QSER1: variants seen among roughly 807,000 people sequenced by gnomAD.
The protein encoded by QSER1 is glutamine and serine rich 1, also known as glutamine and serine-rich protein 1.
Under a neutral mutation model 158.5 loss-of-function variants are expected in QSER1, and 49 were observed. That is an observed-to-expected ratio of 0.31 (90% CI 0.25 to 0.39). The LOEUF is 0.39. QSER1 is among the 10% of genes least tolerant of loss of function. The pLI, the probability that QSER1 is intolerant of heterozygous loss-of-function variation, is 1.00. For synonymous variants in QSER1, 650 were observed against 715.5 expected (o/e 0.91, Z 1.46); for missense variants, 1,754 against 2,010.3 (o/e 0.87, Z 2.44).
chr11:32,954,136 G>T lies in QSER1; in HGVS notation c.4457G>T (p.Arg1486Leu). Reference protein sequence around the residue: ...ESGGEGQYRERDEFVVKIEDI... With the variant: ...ESGGEGQYRELDEFVVKIEDI... The stretch of plus-strand genomic sequence containing the variant: ...GGAGGAGAAGGCCAATACAGAGAGC[G>T]TGATGAATTTGTGGTAAAGATAGAA... Residue 1486 changes from arginine to leucine, a missense_variant, in exon 5 of 13, where the codon CGT becomes CTT. Physicochemically the swap from Arg to Leu is moderately radical, Grantham distance 102. Coordinates refer to ENST00000650167, the MANE Select transcript of QSER1 (RefSeq NM_001076786.3). 2 of 1,613,862 alleles carry T rather than the reference G, an allele frequency of 1.2e-6. No individual in the cohort carries two copies. Among genetic ancestry groups the T allele is most frequent in the Non-Finnish European group, 1.7e-6 (2 of 1,179,968 alleles).
At chr11:32,894,334 G>A (rs1330948555) in intron 1 of QSER1, among the ~76,000 whole-genome samples, 1 of 152,122 alleles carries the variant, frequency 6.6e-6, no homozygotes, top group Non-Finnish European at 1.5e-5. Flanking sequence ...TTGGTGAGCG[G>A]GGTGTTTTAA....
At chr11:32,920,897 T>G (rs1380108046) in intron 1 of QSER1, among the ~76,000 whole-genome samples, 1 of 152,204 alleles carries the variant, frequency 6.6e-6, no homozygotes, top group Non-Finnish European at 1.5e-5. Context: ...ACTTTGCTGG[T>G]GGGAATGTAA....
At chr11:32,923,689 G>C (rs1851928259) in intron 1 of QSER1, among the ~76,000 whole-genome samples, 1 of 138,984 alleles carries the variant, frequency 7.2e-6, no homozygotes, top group Non-Finnish European at 1.6e-5. Flanking sequence ...AAAAAAAAAG[G>C]CCGGGCACGG....
At chr11:32,912,513 A>G (rs1317322669) in intron 1 of QSER1, among the ~76,000 whole-genome samples, 1 of 152,126 alleles carries the variant, frequency 6.6e-6, no homozygotes, top group Non-Finnish European at 1.5e-5. Context: ...GTCCCATGTC[A>G]CATGTCAGAA....
At chr11:32,941,547 C>T (rs1179826849) in intron 4 of QSER1, among the ~76,000 whole-genome samples, 1 of 152,030 alleles carries the variant, frequency 6.6e-6, no homozygotes, top group African/African-American at 2.4e-5. Flanking sequence ...CATGTCCCTA[C>T]AAAGGACACG....
At chr11:32,965,272 C>T (rs1233043188) in intron 8 of QSER1, among the ~76,000 whole-genome samples, 1 of 151,778 alleles carries the variant, frequency 6.6e-6, no homozygotes, top group Non-Finnish European at 1.5e-5. Flanking sequence ...CCACCACACA[C>T]GTGGCTAATT....
At chr11:32,960,515 C>T (rs1409197663) in intron 8 of QSER1, among the ~76,000 whole-genome samples, 7 of 152,022 alleles carry the variant, frequency 4.6e-5, no homozygotes, top group African/African-American at 1.7e-4. Flanking sequence ...GCCAAGATTG[C>T]GCTATTGCAC....
Position 32,927,963 on chromosome 11 carries a change from T to C in QSER1, c.324T>C (p.Gly108=), listed in dbSNP as rs765897936. The C allele has an allele frequency of 3.8e-6, 3 of 790,244 alleles. No individual in the cohort carries two copies. The highest frequency in any genetic ancestry group is 6.0e-6 in the Non-Finnish European group (3 of 496,844). The allele number at this position is 790,244 out of a possible 1,614,324, so 49.0% of individuals were successfully genotyped here. A position where few individuals can be genotyped will look rare whatever the true frequency, so the allele number is the denominator to read the frequency against. Residue 108 remains glycine, a splice_region_variant and synonymous_variant, in exon 3 of 13, where the codon GGT becomes GGC. Coordinates refer to ENST00000650167, the MANE Select transcript of QSER1 (RefSeq NM_001076786.3). ...GATATATTTTATCTTCAAATTTAGGTCTTTCTGGAATATTTGATACTAGTG... is the reference window on the plus strand; with the variant it reads ...GATATATTTTATCTTCAAATTTAGGCCTTTCTGGAATATTTGATACTAGTG... ...PGYAPTPQPT[G]LSGIFDTSVN...
intron 7 of QSER1, among the ~76,000 whole-genome samples, chr11:32,957,180 C>T (rs1852532840): frequency 1.5e-5 from 2 of 130,350 alleles, no homozygotes; most frequent in African/African-American, 5.9e-5. Context: ...CTTGCTCTGT[C>T]GCCCAGGCTG....
At chr11:32,909,046 A>G (rs1851730808) in intron 1 of QSER1, among the ~76,000 whole-genome samples, 1 of 152,152 alleles carries the variant, frequency 6.6e-6, no homozygotes, top group Non-Finnish European at 1.5e-5. Flanking sequence ...TATGGTCCCA[A>G]CTACTTGGGA....
At chr11:32,972,690 C>T (rs1360061714) in intron 10 of QSER1, among the ~76,000 whole-genome samples, 3 of 152,110 alleles carry the variant, frequency 2.0e-5, no homozygotes, top group Non-Finnish European at 2.9e-5. Context: ...CCCACCTTGG[C>T]CTCCCAAAGT....
intron 3 of QSER1, among the ~76,000 whole-genome samples, chr11:32,929,930 C>T (rs1370061051): frequency 6.6e-6 from 1 of 152,184 alleles, no homozygotes; most frequent in Non-Finnish European, 1.5e-5. Context: ...CCCAGATATT[C>T]TCTGTCCTTT....
intron 11 of QSER1, 138 bp downstream of exon 11, chr11:32,973,687 C>T (rs959906882): frequency 2.6e-6 from 2 of 772,314 alleles, no homozygotes; most frequent in Admixed American, 3.0e-5. Context: ...ATAAGCGTCA[C>T]TGGCCTGAGG....
chr11:32,924,651 C>T lies in QSER1; in HGVS notation c.210-2506C>T, dbSNP rs112467997. Among the ~76,000 whole-genome samples, 548 of 151,618 alleles carry T rather than the reference C, an allele frequency of 3.6e-3. 3 individuals are homozygous for T. Among genetic ancestry groups the T allele is most frequent in the African/African-American group, 0.012 (497 of 41,352 alleles). On this transcript the variant is annotated intron_variant, in intron 1 of 12. Transcript: ENST00000650167. ...CCAATAGACTGGGAGAAAATACTCC[C>T]AATACATATATTTGAGAATGAATTT... is the stretch of plus-strand genomic sequence containing the variant.
chr11:32,926,131 G>A (rs1851967223), intron 1 of QSER1: 1 of 152,060 alleles, frequency 6.6e-6, no homozygotes, highest in African/African-American at 2.4e-5. Context: ...TAATTTAGTT[G>A]CCCTGGATTC....
chr11:32,959,856 G>C (rs1182317224), intron 8 of QSER1, among the ~76,000 whole-genome samples: 1 of 151,956 alleles, frequency 6.6e-6, no homozygotes, highest in Non-Finnish European at 1.5e-5. Context: ...CGACCTCCCA[G>C]GCTCAAGTGA....
chr11:32,966,978 A>G (rs949230559), intron 9 of QSER1, among the ~76,000 whole-genome samples: 2 of 152,178 alleles, frequency 1.3e-5, no homozygotes, highest in African/African-American at 4.8e-5. Context: ...ACTAATTTAC[A>G]TTCTCACCAG....
At position 32,969,004 on chromosome 11, in the gene QSER1, T is replaced by C. The variant is rs374101132; in HGVS notation, c.5108-42T>C. The stretch of plus-strand genomic sequence containing the variant: ...AAAAGTTGGATTTTTTTCAAAAATA[T>C]TTATTGATAGTTTATCCTGTTAAAT... On this transcript the variant is annotated intron_variant, in intron 9 of 12. Transcript: ENST00000650167. The C allele has an allele frequency of 4.3e-5, 47 of 1,090,488 alleles. No individual in the cohort carries two copies. The African/African-American group carries it at 7.0e-4, about 16-fold the overall frequency. 67.6% of individuals were successfully genotyped at this position (1,090,488 alleles called of 1,614,324 possible).
intron 10 of QSER1, among the ~76,000 whole-genome samples, chr11:32,970,278 C>T (rs1852827679): frequency 1.3e-5 from 2 of 152,118 alleles, no homozygotes; most frequent in Admixed American, 1.3e-4. Flanking sequence ...AATTAAATGA[C>T]ACAAAACTAT....
Sources: gnomAD v4.1 joint callset for allele counts (sites outside exome capture counted in the v4.1 genomes callset) on GRCh38, gnomAD v4.1.1 for gene constraint, MANE v1.5 for transcripts, NCBI Gene and HGNC (gene_info 2026-07-23, HGNC 2026-07-21) for gene names.